Variants in FNIP1 observed in about 807,000 individuals in gnomAD.
FNIP1 encodes folliculin interacting protein 1.
FNIP1 carries 40 observed loss-of-function variants against 124.5 expected under a neutral mutation model. The observed-to-expected ratio is 0.32, with a 90% confidence interval of 0.25 to 0.42. FNIP1 has a LOEUF of 0.42. Ranked by LOEUF, FNIP1 falls within the 10% of genes least tolerant of loss-of-function variation. The pLI is 1.00. For missense variants in FNIP1, 1,176 were observed against 1,403.7 expected, an observed-to-expected ratio of 0.84 and a Z score of 2.59; for synonymous variants, 472 against 470.6, an observed-to-expected ratio of 1.00 and a Z score of -0.04.
intron 15 of FNIP1, 99 bp downstream of exon 15, chr5:131,670,364 T>C: frequency 2.1e-6 from 2 of 949,198 alleles, no homozygotes; most frequent in Non-Finnish European, 3.1e-6. Context: ...ACAATGATTG[T>C]GTTGTAAAAA....
At position 131,644,584 on chromosome 5, in the gene FNIP1, G is replaced by T. The variant is rs1766812741; in HGVS notation, c.*101C>A. 1.0e-6 allele frequency: 1 copy of T among 963,762 alleles called. No individual in the cohort carries two copies. The highest frequency in any genetic ancestry group is 2.0e-5 in the Admixed American group (1 of 50,660). The allele number at this position is 963,762 out of a possible 1,614,324, so 59.7% of individuals were successfully genotyped here. ...ACCCTGGTGACTGACTCATTCAGAT[G>T]GAAGTCTAAAAGGGAAAAAGAATCT... On this transcript the variant is annotated 3_prime_UTR_variant, in exon 18 of 18. Transcript: ENST00000510461.
intron 14 of FNIP1, 32 bp from the exon 15 acceptor site, chr5:131,670,663 T>G (rs26007): frequency 6.6e-7 from 1 of 1,522,958 alleles, no homozygotes; most frequent in South Asian, 1.3e-5. Context: ...AAGACATTTA[T>G]TTAGTAATAA....
chr5:131,693,488 G>A (rs1207971795), intron 11 of FNIP1, among the ~76,000 whole-genome samples: 2 of 151,106 alleles, frequency 1.3e-5, no homozygotes, highest in African/African-American at 4.9e-5. Flanking sequence ...AGAAAAGAAA[G>A]TATTTTCAGC....
intron 1 of FNIP1, among the ~76,000 whole-genome samples, chr5:131,749,825 C>T (rs1329661185): frequency 6.6e-6 from 1 of 151,998 alleles, no homozygotes; most frequent in Non-Finnish European, 1.5e-5. Flanking sequence ...CAGGTTTGTA[C>T]CCCAAGAGCA....
At chr5:131,668,552 G>T (rs974785329) in intron 15 of FNIP1, among the ~76,000 whole-genome samples, 4 of 152,128 alleles carry the variant, frequency 2.6e-5, no homozygotes, top group African/African-American at 9.7e-5. Context: ...AGGTGTGGTG[G>T]TGGGCACCTG....
chr5:131,783,642 T>A (rs567124371), intron 1 of FNIP1, among the ~76,000 whole-genome samples: 27 of 151,698 alleles, frequency 1.8e-4, no homozygotes, highest in Non-Finnish European at 3.2e-4. Flanking sequence ...AACAAAATCA[T>A]GAGGTACATC....
rs1011571458 is a variant in FNIP1, at chr5:131,790,733, TG to T, written c.92+6096del. 1.0e-3 allele frequency among the ~76,000 whole-genome samples: 153 copies of T among 152,304 alleles called. 1 individual carries two copies. Among genetic ancestry groups the T allele is most frequent in the African/African-American group, 3.5e-3 (146 of 41,564 alleles). On this transcript the variant is annotated intron_variant, in intron 1 of 17. Coordinates refer to ENST00000510461, the MANE Select transcript of FNIP1 (RefSeq NM_133372.3). ...AGTTACAGTCAGACCTACTCTAGTC[TG>T]GAAGAAATCAGAAAAGGCTTCCTGG...
chr5:131,711,869 A>G (rs1769301953), intron 6 of FNIP1, among the ~76,000 whole-genome samples: 1 of 152,352 alleles, frequency 6.6e-6, no homozygotes, highest in East Asian at 1.9e-4. Context: ...GCACATGTAC[A>G]GCAATCCTTC....
intron 11 of FNIP1, among the ~76,000 whole-genome samples, chr5:131,683,256 T>C (rs764419214): frequency 1.3e-4 from 20 of 152,080 alleles, no homozygotes; most frequent in Non-Finnish European, 2.8e-4. Context: ...GGCATACTAT[T>C]TGCATGTAAC....
intron 1 of FNIP1, among the ~76,000 whole-genome samples, chr5:131,779,052 C>T (rs560452288): frequency 1.0e-3 from 136 of 130,402 alleles, no homozygotes; most frequent in Non-Finnish European, 1.7e-3. Flanking sequence ...TGCTAGATGA[C>T]GAGTTAGTGG....
intron 15 of FNIP1, among the ~76,000 whole-genome samples, chr5:131,666,846 C>T (rs1767617674): frequency 6.6e-6 from 1 of 152,094 alleles, no homozygotes; most frequent in Non-Finnish European, 1.5e-5. Flanking sequence ...CAGGCTTTCA[C>T]AGAGAAAGTC....
intron 15 of FNIP1, among the ~76,000 whole-genome samples, chr5:131,669,498 T>G (rs1485594109): frequency 6.6e-6 from 1 of 152,116 alleles, no homozygotes; most frequent in Non-Finnish European, 1.5e-5. Context: ...AATTGCTTCC[T>G]AGGAATACAA....
chr5:131,699,481 C>T (rs182080745), intron 10 of FNIP1, among the ~76,000 whole-genome samples: 1 of 151,018 alleles, frequency 6.6e-6, no homozygotes, highest in East Asian at 2.0e-4. Flanking sequence ...GCAACCTCTG[C>T]CACCCGGGTT....
At chr5:131,667,018 A>G (rs190370471) in intron 15 of FNIP1, among the ~76,000 whole-genome samples, 113 of 152,298 alleles carry the variant, frequency 7.4e-4, no homozygotes, top group Middle Eastern at 3.4e-3. Flanking sequence ...AATAATAGGC[A>G]CTTCATCAGG....
At chr5:131,727,220 G>C (rs919464536) in intron 3 of FNIP1, among the ~76,000 whole-genome samples, 2 of 152,064 alleles carry the variant, frequency 1.3e-5, no homozygotes, top group Non-Finnish European at 2.9e-5. Flanking sequence ...TTTCTGTCTC[G>C]TTGATCAGTC....
intron 3 of FNIP1, among the ~76,000 whole-genome samples, chr5:131,730,482 C>T (rs1264588036): frequency 6.6e-6 from 1 of 152,116 alleles, no homozygotes; most frequent in Non-Finnish European, 1.5e-5. Context: ...ATTATACTTA[C>T]TAATACGTTT....
chr5:131,758,822 C>CCATGCAT (rs1229909078), intron 1 of FNIP1, among the ~76,000 whole-genome samples: 8 of 151,938 alleles, frequency 5.3e-5, no homozygotes, highest in African/African-American at 1.9e-4. Context: ...TAGGACTAAG[C>CCATGCAT]CATGCATTCT....
At position 131,656,030 on chromosome 5, in the gene FNIP1, C is replaced by T. The variant is rs561161030; in HGVS notation, c.3109-4031G>A. 3.9e-5 allele frequency among the ~76,000 whole-genome samples: 6 copies of T among 152,050 alleles called. No individual in the cohort carries two copies. The South Asian group carries it at 1.2e-3, about 32-fold the overall frequency. ...GAGGCTGCAGTGAGCTATGACTGCA[C>T]CATTGCACTCCAGTCTGGGTGACAG... On this transcript the variant is annotated intron_variant, in intron 15 of 17. Transcript: ENST00000510461.
chr5:131,710,502 T>C, intron 7 of FNIP1, 76 bp downstream of exon 7: 1 of 1,387,130 alleles, frequency 7.2e-7, no homozygotes, highest in Non-Finnish European at 9.9e-7. Context: ...ATCTACTCTC[T>C]TGTTTCCACA....
Sources: gnomAD v4.1 joint callset for allele counts (sites outside exome capture counted in the v4.1 genomes callset) on GRCh38, gnomAD v4.1.1 for gene constraint, MANE v1.5 for transcripts, NCBI Gene and HGNC (gene_info 2026-07-23, HGNC 2026-07-21) for gene names.